The following MEF2C variants were observed in gnomAD, a reference collection of about 807,000 sequenced individuals.
MEF2C encodes myocyte enhancer factor 2C, also known as myocyte-specific enhancer factor 2C.
A neutral mutation model predicts 50.5 loss-of-function variants in MEF2C; 6 were observed. The ratio of observed to expected loss-of-function variants is 0.12; its 90% CI spans 0.07 to 0.23. MEF2C has a LOEUF of 0.23. MEF2C is among the 10% of genes least tolerant of loss of function. The pLI is 1.00. For missense variants in MEF2C, 276 were observed against 605.0 expected (o/e 0.46, Z 5.70); for synonymous variants, 183 against 228.0 (o/e 0.80, Z 1.78).
At chr5:88,875,802 G>A (rs1404109057) in intron 1 of MEF2C, among the ~76,000 whole-genome samples, 5 of 151,888 alleles carry the variant, frequency 3.3e-5, no homozygotes, top group Admixed American at 1.3e-4. Flanking sequence ...ACATTAGTTA[G>A]GGCTGAAATC....
chr5:88,887,643 G>A (rs963745930), upstream of MEF2C: 8 of 152,184 alleles, frequency 5.3e-5, no homozygotes, highest in African/African-American at 1.9e-4. Context: ...TTTTGTTAAT[G>A]CTGATATGAA....
chr5:88,720,619 C>T lies in MEF2C; in HGVS notation c.*1985G>A, dbSNP rs1756005945. 1 of 152,490 alleles carries T rather than the reference C, an allele frequency of 6.6e-6. No homozygotes were observed. Among genetic ancestry groups the T allele is most frequent in the Non-Finnish European group, 1.5e-5 (1 of 67,984 alleles). The allele number at this position is 152,490 out of a possible 1,614,324, so 9.4% of individuals were successfully genotyped here. On this transcript the variant is annotated 3_prime_UTR_variant, in exon 11 of 11. Coordinates refer to ENST00000504921, the MANE Select transcript of MEF2C (RefSeq NM_002397.5). Reference sequence around the variant, plus strand: ...CCTATATCTTCTTTGCTGTGTATGTCAATGCATATGATTGGAGATGAATCG... The same window carrying T: ...CCTATATCTTCTTTGCTGTGTATGTTAATGCATATGATTGGAGATGAATCG...
At chr5:88,853,329 C>T (rs888781622) in intron 1 of MEF2C, among the ~76,000 whole-genome samples, 10 of 152,154 alleles carry the variant, frequency 6.6e-5, no homozygotes, top group Non-Finnish European at 8.8e-5. Context: ...GACTTGTATA[C>T]GTTTAAACAA....
At chr5:88,753,500 A>T (rs534910925) in intron 4 of MEF2C, among the ~76,000 whole-genome samples, 2 of 152,300 alleles carry the variant, frequency 1.3e-5, no homozygotes, top group East Asian at 3.9e-4. Flanking sequence ...GGTTCAAGTG[A>T]TTCTGCTGCC....
At chr5:88,805,823 C>CTTTTTTTTT (rs869224140) in intron 2 of MEF2C, among the ~76,000 whole-genome samples, 1 of 61,554 alleles carries the variant, frequency 1.6e-5, no homozygotes, top group Non-Finnish European at 3.0e-5. Flanking sequence ...CGTGAACATT[C>CTTTTTTTTT]TTTTTTTTTT....
chr5:88,737,126 T>C (rs920379168), intron 6 of MEF2C: 1 of 985,226 alleles, frequency 1.0e-6, no homozygotes, highest in African/African-American at 1.7e-5. Flanking sequence ...AGGTAAGTTA[T>C]TGAGGGACAA....
chr5:88,788,660 A>G (rs1265317381), intron 3 of MEF2C, among the ~76,000 whole-genome samples: 2 of 152,226 alleles, frequency 1.3e-5, no homozygotes, highest in Non-Finnish European at 2.9e-5. Context: ...TGAAAAGCTG[A>G]ACTTTTAATT....
At chr5:88,725,879 C>T (rs1758496376) in intron 10 of MEF2C, among the ~76,000 whole-genome samples, 1 of 152,112 alleles carries the variant, frequency 6.6e-6, no homozygotes, top group Admixed American at 6.6e-5. Context: ...AGAAAACAGG[C>T]TGCCCTTTTT....
rs1374132294 is a variant in MEF2C at position 88,740,840 on chromosome 5, G to C, written c.637+8230C>G. ...TGACTCATTTAATTGTTCACTTCTT[G>C]AGATTTTGGGGCTGTCTCTTTGCTA... On this transcript the variant is annotated intron_variant, in intron 6 of 10. Coordinates refer to ENST00000504921, the MANE Select transcript of MEF2C (RefSeq NM_002397.5). 5 of 985,254 alleles carry C rather than the reference G, an allele frequency of 5.1e-6. No homozygotes were observed. In the South Asian group the frequency reaches 1.4e-4, roughly 28 times the overall value. The allele number at this position is 985,254 out of a possible 1,614,324, so 61.0% of individuals were successfully genotyped here. A position where few individuals can be genotyped will look rare whatever the true frequency, so the allele number is the denominator to read the frequency against.
At chr5:88,855,118 T>C (rs1327309190) in intron 1 of MEF2C, among the ~76,000 whole-genome samples, 1 of 152,234 alleles carries the variant, frequency 6.6e-6, no homozygotes, top group African/African-American at 2.4e-5. Context: ...GACACAAATT[T>C]AAAAAGAAGC....
At chr5:88,888,272 A>T (rs916695665) in intron 1 of MEF2C, 3 of 152,256 alleles carry the variant, frequency 2.0e-5, no homozygotes, top group African/African-American at 7.2e-5. Flanking sequence ...ACACAAATGA[A>T]CCTTTCCTTG....
intron 1 of MEF2C, among the ~76,000 whole-genome samples, chr5:88,864,093 A>G (rs1581721566): frequency 6.7e-6 from 1 of 148,788 alleles, no homozygotes; most frequent in African/African-American, 2.5e-5. Context: ...AAGTGCTGGG[A>G]TTATGGGATT....
intron 2 of MEF2C, among the ~76,000 whole-genome samples, chr5:88,806,349 A>G (rs988505845): frequency 1.3e-5 from 2 of 152,118 alleles, no homozygotes; most frequent in Non-Finnish European, 2.9e-5. Context: ...CACCCAATGC[A>G]TGTCCTCCAG....
chr5:88,850,743 C>T (rs572010903), intron 1 of MEF2C, among the ~76,000 whole-genome samples: 4 of 151,964 alleles, frequency 2.6e-5, no homozygotes, highest in African/African-American at 7.2e-5. Flanking sequence ...CACACACATA[C>T]ATATAATTAT....
chr5:88,806,360 T>C (rs1020333352), intron 2 of MEF2C, among the ~76,000 whole-genome samples: 1 of 152,184 alleles, frequency 6.6e-6, no homozygotes, highest in South Asian at 2.1e-4. Flanking sequence ...TGTCCTCCAG[T>C]TCCACACCTG....
intron 4 of MEF2C, chr5:88,752,652 C>T: frequency 1.0e-6 from 1 of 985,302 alleles, no homozygotes; most frequent in South Asian, 4.7e-5. Flanking sequence ...ATTCAGAAAA[C>T]ACTATGCTTC....
At chr5:88,866,628 C>CTTTT (rs1431843534) in intron 1 of MEF2C, among the ~76,000 whole-genome samples, 1 of 152,162 alleles carries the variant, frequency 6.6e-6, no homozygotes, top group Admixed American at 6.5e-5. Flanking sequence ...CAGTTAAAAG[C>CTTTT]TAAAAGCTAT....
intron 2 of MEF2C, chr5:88,819,456 C>T (rs974338506): frequency 1.1e-4 from 93 of 880,050 alleles, no homozygotes; most frequent in Non-Finnish European, 1.2e-4. Context: ...CAGTCATACA[C>T]CAGGCTTAAG....
At chr5:88,735,966 G>A in intron 6 of MEF2C, 1 of 985,198 alleles carries the variant, frequency 1.0e-6, no homozygotes, top group South Asian at 4.7e-5. Flanking sequence ...ATGAATACAA[G>A]CATATAAGAC....
Sources: gnomAD v4.1 joint callset for allele counts (sites outside exome capture counted in the v4.1 genomes callset) on GRCh38, gnomAD v4.1.1 for gene constraint, MANE v1.5 for transcripts, NCBI Gene and HGNC (gene_info 2026-07-23, HGNC 2026-07-21) for gene names.